Variants in ATG16L2 observed in about 807,000 individuals in gnomAD.
ATG16L2 encodes the protein autophagy related 16 like 2.
Under a neutral mutation model 84.7 loss-of-function variants are expected in ATG16L2, and 77 were observed. The ratio of observed to expected loss-of-function variants is 0.91; its 90% confidence interval spans 0.76 to 1.10. ATG16L2 has a LOEUF of 1.10. Ranked by LOEUF, ATG16L2 falls within the 50% of genes least tolerant of loss-of-function variation. The pLI is 0.00. For synonymous variants in ATG16L2, 361 were observed against 342.8 expected (o/e 1.05, Z -0.59); for missense variants, 782 against 817.6 (o/e 0.96, Z 0.53).
At chr11:72,824,711 G>A in intron 8 of ATG16L2, 23 bp from the exon 9 acceptor site, 1 of 1,599,054 alleles carries the variant, frequency 6.3e-7, no homozygotes, top group Non-Finnish European at 8.6e-7. Flanking sequence ...ATGCCCTCCT[G>A]ACCCCAACCC....
exon 6 of ATG16L2, chr11:72,843,523 G>A: frequency 6.2e-7 from 1 of 1,613,368 alleles, no homozygotes; most frequent in Non-Finnish European, 8.5e-7. Context: ...AACTCATCTG[G>A]TTGAGAAGCC....
At position 72,822,881 on chromosome 11, in the gene ATG16L2, G is replaced by A. The variant is rs1390249900; in HGVS notation, c.744G>A (p.Glu248=). 6.4e-7 allele frequency: 1 copy of A among 1,574,780 alleles called. No homozygotes were observed. Residue 248 remains glutamate, a synonymous_variant, in exon 7 of 18, where the codon GAG becomes GAA. Transcript: ENST00000321297. The surrounding 1 kb of genome is among the most constrained non-coding windows in gnomAD (Gnocchi z 4.2). ...ACACCCTAGGCGATGGGATGAGGGAGAGAAGGGAGACTCTGGCTCTGGCCC... is the reference window on the plus strand; with the variant it reads ...ACACCCTAGGCGATGGGATGAGGGAAAGAAGGGAGACTCTGGCTCTGGCCC... The part of the protein sequence containing the change: ...GPDTLGDGMR[E]RRETLALAPE...
chr11:72,832,846 C>T (rs959785647), downstream of ATG16L2, among the ~76,000 whole-genome samples: 1 of 152,230 alleles, frequency 6.6e-6, no homozygotes, highest in Non-Finnish European at 1.5e-5. Flanking sequence ...GTTCTAGGTT[C>T]TCCAGTTCTG....
rs374858526 is a variant in ATG16L2 at position 72,823,778 on chromosome 11, C to T, written c.825-282C>T. ...CTCCTCCCTGTAGGCCCCGGCTCAGCTTCCCAGGAACTTTTGTTGGTGGGT... is the reference window on the plus strand; with the variant it reads ...CTCCTCCCTGTAGGCCCCGGCTCAGTTTCCCAGGAACTTTTGTTGGTGGGT... On this transcript the variant is annotated intron_variant, in intron 7 of 17. Transcript: ENST00000321297. 37 of 556,474 alleles carry T rather than the reference C, an allele frequency of 6.6e-5. No homozygotes were observed. In the East Asian group the frequency reaches 1.6e-3, roughly 24 times the overall value. The allele number at this position is 556,474 out of a possible 1,614,324, so 34.5% of individuals were successfully genotyped here.
rs142770133 is a variant in ATG16L2 at position 72,829,337 on chromosome 11, G to A, written c.1807G>A (p.Gly603Arg). Reference protein sequence around the residue: ...AVNAVAWCYSGSHMVSVDQGR... With the variant: ...AVNAVAWCYSRSHMVSVDQGR... ...CAACGCCGTGGCCTGGTGCTACTCC[G>A]GGAGCCACATGGTGAGCGTGGACCA... Residue 603 changes from glycine (G) to arginine (R), a missense_variant, in exon 18 of 18, where the codon GGG becomes AGG. By Grantham distance (125) the Gly-to-Arg change is moderately radical (BLOSUM62 -2). Transcript: ENST00000321297. 542 of 1,612,994 alleles carry A rather than the reference G, an allele frequency of 3.4e-4. 1 individual carries two copies. The highest frequency in any genetic ancestry group is 4.4e-4 in the Non-Finnish European group (522 of 1,179,888).
chr11:72,841,815 T>A (rs576579386), intron 5 of ATG16L2, among the ~76,000 whole-genome samples: 4 of 152,348 alleles, frequency 2.6e-5, no homozygotes, highest in Admixed American at 2.6e-4. Context: ...TTTTAGTTTA[T>A]CTTAAACAGT....
intron 5 of ATG16L2, chr11:72,836,887 T>G (rs903600794): frequency 6.6e-5 from 10 of 152,590 alleles, no homozygotes; most frequent in Admixed American, 2.0e-4. Flanking sequence ...ATATCCTGGA[T>G]GGAGGGGTTA....
chr11:72,826,089 C>T, intron 10 of ATG16L2, 84 bp from the exon 11 acceptor site: 2 of 1,168,960 alleles, frequency 1.7e-6, no homozygotes, highest in Non-Finnish European at 1.2e-6. Flanking sequence ...GGGGCGGGAA[C>T]TGATCTTCCG....
Position 72,822,236 on chromosome 11 carries a change from C to G in ATG16L2, c.585C>G (p.Leu195=), listed in dbSNP as rs998889115. The change falls in exon 5 of 18, where the codon CTC becomes CTG. Residue 195 remains leucine (L), a synonymous_variant. Transcript: ENST00000321297. The surrounding 1 kb of genome is among the most constrained non-coding windows in gnomAD (Gnocchi z 4.2). ...QEEARDLLER[L]VQRKARAAAE... Reference sequence around the variant, plus strand: ...AGGCGCGCGACCTGCTGGAGAGGCTCGTGCAGCGCAAGGCGCGCGCCGCGG... The same window carrying G: ...AGGCGCGCGACCTGCTGGAGAGGCTGGTGCAGCGCAAGGCGCGCGCCGCGG... 1 of 1,498,390 alleles carries G rather than the reference C, an allele frequency of 6.7e-7. No individual in the cohort carries two copies. The highest frequency in any genetic ancestry group is 1.3e-5 in the South Asian group (1 of 79,566). The allele number at this position is 1,498,390 out of a possible 1,614,324, so 92.8% of individuals were successfully genotyped here.
chr11:72,822,639 C>G lies in ATG16L2; in HGVS notation c.710+96C>G, dbSNP rs1018657477. 2.7e-6 allele frequency: 4 copies of G among 1,497,136 alleles called. No individual in the cohort carries two copies. In the East Asian group the frequency reaches 9.7e-5, roughly 36 times the overall value. 92.7% of individuals were successfully genotyped at this position (1,497,136 alleles called of 1,614,324 possible). On this transcript the variant is annotated intron_variant, in intron 6 of 17. Transcript: ENST00000321297. The surrounding 1 kb of genome is among the most constrained non-coding windows in gnomAD (Gnocchi z 4.2). ...GCTGCCGACTGTACTTGTGCACAGC[C>G]CCGTCCTGAGGCCCCCATGTGGTCG...
rs1860554853 is a variant in ATG16L2 at position 72,829,497 on chromosome 11, T to A, written c.*107T>A. 1.4e-6 allele frequency: 2 copies of A among 1,468,988 alleles called. No individual in the cohort carries two copies. Among genetic ancestry groups the A allele is most frequent in the Admixed American group, 2.4e-5 (1 of 41,358 alleles). The allele number at this position is 1,468,988 out of a possible 1,614,324, so 91.0% of individuals were successfully genotyped here. On this transcript the variant is annotated 3_prime_UTR_variant, in exon 18 of 18. Transcript: ENST00000321297. ...GACTGGAGCTGGCCTTGGGATTTAA[T>A]GGGGAAGAAGGCCTGGCAGGACCTG...
At position 72,838,559 on chromosome 11, in the gene ATG16L2, C is replaced by A; in HGVS notation, c.*22-4058C>A. On this transcript the variant is annotated intron_variant, in intron 5 of 5. Coordinates refer to the ATG16L2 transcript ENST00000534905. ...CCCCCCTCTTTGCTCCTAGGGTCCGCTAGGATTTGTGCTATGGTAGGAGAA... is the reference window on the plus strand; with the variant it reads ...CCCCCCTCTTTGCTCCTAGGGTCCGATAGGATTTGTGCTATGGTAGGAGAA... 5.4e-6 allele frequency: 3 copies of A among 560,282 alleles called. 1 individual carries two copies. In the South Asian group the frequency reaches 6.2e-5, roughly 12 times the overall value. 34.7% of individuals were successfully genotyped at this position (560,282 alleles called of 1,614,324 possible). A position where few individuals can be genotyped will look rare whatever the true frequency, so the allele number is the denominator to read the frequency against.
chr11:72,816,877 C>G, intron 2 of ATG16L2, 50 bp downstream of exon 2: 2 of 1,397,106 alleles, frequency 1.4e-6, no homozygotes, highest in Non-Finnish European at 2.0e-6. Flanking sequence ...TGCTGGGGCC[C>G]TGCCCCTGCT....
At chr11:72,827,314 G>A (rs765409903) in intron 14 of ATG16L2, 21 bp downstream of exon 14, 33 of 1,593,782 alleles carry the variant, frequency 2.1e-5, no homozygotes, top group Middle Eastern at 1.7e-4. Flanking sequence ...CAGGCTGGGG[G>A]AGGACTTGGG....
intron 2 of ATG16L2, 81 bp downstream of exon 2, chr11:72,816,908 C>A: frequency 1.7e-6 from 2 of 1,209,626 alleles, no homozygotes; most frequent in Non-Finnish European, 2.4e-6. Context: ...GGTTCATTCT[C>A]TCCCTAGTGC....
At chr11:72,819,528 T>G (rs1305602831) in intron 3 of ATG16L2, among the ~76,000 whole-genome samples, 1 of 152,202 alleles carries the variant, frequency 6.6e-6, no homozygotes, top group East Asian at 1.9e-4. Flanking sequence ...TCTGTCCCCA[T>G]GGTTAGTGCG....
intron 5 of ATG16L2, chr11:72,838,204 T>A (rs1034847388): frequency 6.5e-6 from 1 of 152,782 alleles, no homozygotes; most frequent in Admixed American, 6.5e-5. Context: ...GGAAGAGATG[T>A]GCGTTAATGC....
chr11:72,843,717 A>G, downstream of ATG16L2: 1 of 580,210 alleles, frequency 1.7e-6, no homozygotes, highest in Admixed American at 3.1e-5. Context: ...AACTAAACAG[A>G]ATAAAACCAT....
intron 3 of ATG16L2, among the ~76,000 whole-genome samples, chr11:72,820,897 C>T (rs1264342978): frequency 3.3e-5 from 5 of 152,162 alleles, no homozygotes; most frequent in African/African-American, 1.2e-4. Context: ...CCCTCACCCA[C>T]TCTCCTGGGC....
Sources: gnomAD v4.1 joint callset for allele counts (sites outside exome capture counted in the v4.1 genomes callset) on GRCh38, gnomAD v4.1.1 for gene constraint, Gnocchi (gnomAD v3.1) non-coding constraint, MANE v1.5 for transcripts, NCBI Gene and HGNC (gene_info 2026-07-23, HGNC 2026-07-21) for gene names.